The following PTPRD variants were observed in gnomAD, a reference collection of about 807,000 sequenced individuals.
PTPRD encodes the protein protein tyrosine phosphatase receptor type D, also known as receptor-type tyrosine-protein phosphatase delta.
PTPRD carries 34 observed loss-of-function variants against 214.5 expected under a neutral mutation model. The ratio of observed to expected loss-of-function variants is 0.16; its 90% CI spans 0.12 to 0.21. The LOEUF is 0.21. Among genes scored for constraint, PTPRD ranks in the 10% least tolerant of loss-of-function variants. The pLI, the probability that PTPRD is intolerant of heterozygous loss-of-function variation, is 1.00. For missense variants in PTPRD, 2,545 were observed against 2,398.7 expected (o/e 1.06, Z -1.27); for synonymous variants, 1,128 against 845.7 (o/e 1.33, Z -5.79).
rs199534413 is a variant in PTPRD, at chr9:9,932,772, T to C, written c.-368+5735A>G. Among the ~76,000 whole-genome samples, 65 of 76,220 alleles carry C rather than the reference T, an allele frequency of 8.5e-4. 1 individual carries two copies. Among genetic ancestry groups the C allele is most frequent in the African/African-American group, 3.2e-3 (64 of 19,976 alleles). The allele number at this position is 76,220 out of a possible 152,430, so 50.0% of individuals were successfully genotyped here. Reference sequence around the variant, plus strand: ...AGAAGAGCAACTCCAAGACACATAATTGTCAGATTCACCAAAGTTGAAATG... The same window carrying C: ...AGAAGAGCAACTCCAAGACACATAACTGTCAGATTCACCAAAGTTGAAATG... On this transcript the variant is annotated intron_variant, in intron 5 of 45. Transcript: ENST00000381196.
At chr9:9,966,670 G>A (rs185607643) in intron 4 of PTPRD, among the ~76,000 whole-genome samples, 1 of 152,110 alleles carries the variant, frequency 6.6e-6, no homozygotes, top group South Asian at 2.1e-4. Flanking sequence ...GGGAGAAGTG[G>A]ATTTGGGGGA....
At chr9:8,681,251 G>C (rs1245312962) in intron 12 of PTPRD, among the ~76,000 whole-genome samples, 2 of 152,068 alleles carry the variant, frequency 1.3e-5, no homozygotes, top group South Asian at 2.1e-4. Flanking sequence ...TAATGGTAAA[G>C]TCCGTATAAC....
At chr9:9,333,541 A>G (rs777471600) in intron 9 of PTPRD, among the ~76,000 whole-genome samples, 16 of 136,098 alleles carry the variant, frequency 1.2e-4, no homozygotes, top group Non-Finnish European at 2.2e-4. Context: ...CTGCAATGCA[A>G]TCACAAGTGG....
In PTPRD at chr9:8,439,935, A is replaced by ATTTTTTTTTTTTTTTTTTTTTTTTTTTT. The variant is rs1166530719; in HGVS notation, c.3989-3274_3989-3247dup. Among the ~76,000 whole-genome samples the ATTTTTTTTTTTTTTTTTTTTTTTTTTTT allele has an allele frequency of 4.0e-4, 29 of 73,326 alleles. 3 individuals carry two copies. Among genetic ancestry groups the ATTTTTTTTTTTTTTTTTTTTTTTTTTTT allele is most frequent in the Non-Finnish European group, 6.2e-4 (25 of 40,514 alleles). 48.1% of individuals were successfully genotyped at this position (73,326 alleles called of 152,430 possible). ...CATTTAAATTACTTGATGTGCTTTA[A>ATTTTTTTTTTTTTTTTTTTTTTTTTTTT]TTTTTTTTTTTTTTTTTTTTTTTTT... On this transcript the variant is annotated intron_variant, in intron 34 of 45. Transcript: ENST00000381196.
chr9:8,934,480 T>TAA (rs1163281152), intron 11 of PTPRD, among the ~76,000 whole-genome samples: 2 of 8,066 alleles, frequency 2.5e-4, no homozygotes, highest in African/African-American at 7.6e-4. Flanking sequence ...TATATATAAA[T>TAA]ATATATATAT....
chr9:9,522,261 A>AT (rs552008062), intron 8 of PTPRD, among the ~76,000 whole-genome samples: 6 of 151,180 alleles, frequency 4.0e-5, no homozygotes, highest in Non-Finnish European at 8.8e-5. Flanking sequence ...CATTTCATGT[A>AT]TTTATTAGTT....
At chr9:10,308,484 G>T (rs1207692552) in intron 3 of PTPRD, among the ~76,000 whole-genome samples, 1 of 152,010 alleles carries the variant, frequency 6.6e-6, no homozygotes, top group African/African-American at 2.4e-5. Context: ...ATATTTTGAA[G>T]TTAAATAGTG....
At chr9:8,949,328 T>C (rs879789210) in intron 11 of PTPRD, among the ~76,000 whole-genome samples, 6 of 152,072 alleles carry the variant, frequency 3.9e-5, no homozygotes, top group Non-Finnish European at 8.8e-5. Flanking sequence ...ATATGAAATA[T>C]TGTCTTATTA....
At chr9:10,437,618 C>T (rs146015040) in intron 2 of PTPRD, among the ~76,000 whole-genome samples, 23 of 151,596 alleles carry the variant, frequency 1.5e-4, no homozygotes, top group African/African-American at 4.1e-4. Context: ...TCAATATTTC[C>T]GTGTCTGTGT....
At chr9:10,337,571 A>AT (rs2096865602) in intron 3 of PTPRD, among the ~76,000 whole-genome samples, 1 of 151,564 alleles carries the variant, frequency 6.6e-6, no homozygotes, top group Non-Finnish European at 1.5e-5. Flanking sequence ...TCACTCATGC[A>AT]TTTTTTTCCT....
intron 3 of PTPRD, among the ~76,000 whole-genome samples, chr9:10,087,732 T>A (rs756013882): frequency 1.3e-5 from 2 of 151,702 alleles, no homozygotes; most frequent in Non-Finnish European, 3.0e-5. Flanking sequence ...AGAATATGAG[T>A]GCTTAATATT....
chr9:10,132,806 G>C (rs1216621130), intron 3 of PTPRD, among the ~76,000 whole-genome samples: 1 of 152,154 alleles, frequency 6.6e-6, no homozygotes, highest in African/African-American at 2.4e-5. Flanking sequence ...GATATATTGA[G>C]GCCCAGAGGC....
chr9:10,424,749 C>A (rs976970460), intron 2 of PTPRD, among the ~76,000 whole-genome samples: 6 of 151,960 alleles, frequency 3.9e-5, no homozygotes, highest in African/African-American at 1.4e-4. Context: ...GTTCAATATT[C>A]ACTGCTATAC....
intron 14 of PTPRD, among the ~76,000 whole-genome samples, chr9:8,577,907 G>A (rs931637280): frequency 5.9e-5 from 9 of 152,058 alleles, no homozygotes; most frequent in Non-Finnish European, 1.5e-5. Flanking sequence ...TGATGTTTAA[G>A]GACCCCTTTT....
intron 35 of PTPRD, among the ~76,000 whole-genome samples, chr9:8,408,352 G>A (rs984328546): frequency 7.2e-5 from 11 of 152,154 alleles, no homozygotes; most frequent in African/African-American, 2.4e-4. Context: ...TTAGTGTTTG[G>A]TTTTCCTGAG....
intron 2 of PTPRD, among the ~76,000 whole-genome samples, chr9:10,457,176 T>C (rs1028825650): frequency 7.2e-5 from 11 of 152,002 alleles, no homozygotes; most frequent in Non-Finnish European, 1.2e-4. Flanking sequence ...TAACAGTTTA[T>C]TGAAGTATAA....
chr9:9,968,397 A>T (rs1309542191), intron 4 of PTPRD, among the ~76,000 whole-genome samples: 1 of 152,262 alleles, frequency 6.6e-6, no homozygotes, highest in East Asian at 1.9e-4. Context: ...TAAATGTAAC[A>T]GCAAGATATT....
At chr9:9,898,448 T>C (rs914685401) in intron 5 of PTPRD, among the ~76,000 whole-genome samples, 1 of 152,034 alleles carries the variant, frequency 6.6e-6, no homozygotes, top group Non-Finnish European at 1.5e-5. Context: ...TTTTTTCAGA[T>C]ACTTCATGTT....
intron 9 of PTPRD, among the ~76,000 whole-genome samples, chr9:9,312,626 C>T (rs1029274649): frequency 6.6e-6 from 1 of 152,090 alleles, no homozygotes; most frequent in Non-Finnish European, 1.5e-5. Context: ...GGTGTGAGTA[C>T]ACCCTGTGAT....
Sources: gnomAD v4.1 joint callset for allele counts (sites outside exome capture counted in the v4.1 genomes callset) on GRCh38, gnomAD v4.1.1 for gene constraint, MANE v1.5 for transcripts, NCBI Gene and HGNC (gene_info 2026-07-23, HGNC 2026-07-21) for gene names.